Variants in TMEM245 observed in about 807,000 individuals in gnomAD.
TMEM245 encodes protein CG-2.
In TMEM245, 69 loss-of-function variants were observed where a neutral mutation model predicts 101.2. The observed-to-expected ratio is 0.68, with a 90% CI of 0.56 to 0.83. The LOEUF is 0.83. TMEM245 is among the 40% of genes least tolerant of loss of function. The pLI, the probability that TMEM245 is intolerant of heterozygous loss-of-function variation, is 0.00. For synonymous variants in TMEM245, 537 were observed against 449.8 expected (o/e 1.19, Z -2.45); for missense variants, 1,075 against 1,092.8 (o/e 0.98, Z 0.23).
chr9:109,109,946 G>C (rs576394951), intron 1 of TMEM245, among the ~76,000 whole-genome samples: 1 of 152,198 alleles, frequency 6.6e-6, no homozygotes, highest in South Asian at 2.1e-4. Context: ...GCTGTATTTG[G>C]GTGGTAAAAT....
intron 11 of TMEM245, among the ~76,000 whole-genome samples, chr9:109,058,513 C>T (rs1041479824): frequency 2.8e-4 from 43 of 152,252 alleles, no homozygotes; most frequent in African/African-American, 9.6e-4. Flanking sequence ...GAGAGGATCA[C>T]TTGAGCCTAG....
intron 17 of TMEM245, among the ~76,000 whole-genome samples, chr9:109,027,759 C>A (rs1030564730): frequency 2.0e-5 from 3 of 152,072 alleles, no homozygotes; most frequent in Admixed American, 2.0e-4. Context: ...AATCTCTGCT[C>A]ACTGCAACGT....
chr9:109,108,604 A>G, intron 1 of TMEM245, 34 bp from the exon 2 acceptor site: 1 of 1,461,436 alleles, frequency 6.8e-7, no homozygotes, highest in Non-Finnish European at 9.5e-7. Flanking sequence ...TGTAAAATCT[A>G]TACACGTGAA....
intron 1 of TMEM245, among the ~76,000 whole-genome samples, chr9:109,115,435 T>C (rs1372736423): frequency 7.0e-6 from 1 of 143,258 alleles, no homozygotes; most frequent in African/African-American, 2.6e-5. Flanking sequence ...GATATAAAAA[T>C]AAAAGGGAAG....
chr9:109,068,193 C>A (rs1475602705), intron 9 of TMEM245, among the ~76,000 whole-genome samples: 1 of 151,874 alleles, frequency 6.6e-6, no homozygotes, highest in East Asian at 1.9e-4. Flanking sequence ...CGGTGAAACC[C>A]TATCTCTACT....
At position 109,119,886 on chromosome 9, in the gene TMEM245, C is replaced by T. The variant is rs756291784; in HGVS notation, c.28G>A (p.Ala10Thr). 13 of 1,299,958 alleles carry T rather than the reference C, an allele frequency of 1.0e-5. No homozygotes were observed. The South Asian group carries it at 2.1e-4, about 21-fold the overall frequency. 80.5% of individuals were successfully genotyped at this position (1,299,958 alleles called of 1,614,324 possible). Residue 10 changes from alanine (A) to threonine (T), a missense_variant, in exon 1 of 18, where the codon GCG becomes ACG. Physicochemically the swap from Ala to Thr is moderately conservative, Grantham distance 58. Around this residue, in one of 2 missense-constraint regions of TMEM245, gnomAD observed 808 missense variants for 741.5 expected, o/e 1.09. Transcript: ENST00000374586. MADGGGPKD[A>T]PSLRSSPGPA... Reference sequence around the variant, plus strand: ...CCGGGAGAGCTCCGCAGGCTTGGCGCGTCCTTAGGGCCGCCGCCGTCGGCC... The same window carrying T: ...CCGGGAGAGCTCCGCAGGCTTGGCGTGTCCTTAGGGCCGCCGCCGTCGGCC...
At chr9:109,091,944 G>A (rs1157354808) in intron 4 of TMEM245, among the ~76,000 whole-genome samples, 2 of 152,090 alleles carry the variant, frequency 1.3e-5, no homozygotes, top group African/African-American at 4.8e-5. Context: ...AGAAAAAAAT[G>A]TTAATTACAA....
At chr9:109,096,432 G>A (rs943043562) in intron 3 of TMEM245, among the ~76,000 whole-genome samples, 10 of 152,182 alleles carry the variant, frequency 6.6e-5, no homozygotes, top group South Asian at 2.1e-4. Context: ...AGCCGAGATC[G>A]TATTATTGAG....
At chr9:109,039,032 T>C (rs142540382) in intron 14 of TMEM245, 5 of 152,284 alleles carry the variant, frequency 3.3e-5, no homozygotes, top group African/African-American at 1.2e-4. Context: ...GAAGAAAAGC[T>C]GTAGTTGAAA....
At chr9:109,112,743 G>A (rs553344351) in intron 1 of TMEM245, among the ~76,000 whole-genome samples, 1 of 152,240 alleles carries the variant, frequency 6.6e-6, no homozygotes, top group South Asian at 2.1e-4. Context: ...ACATCAAGCA[G>A]TTAATAGTAA....
intron 17 of TMEM245, among the ~76,000 whole-genome samples, chr9:109,029,938 G>A (rs1827899300): frequency 6.6e-6 from 1 of 152,180 alleles, no homozygotes; most frequent in African/African-American, 2.4e-5. Flanking sequence ...ATTAATTCAA[G>A]AGAAAGCAAA....
At position 109,093,726 on chromosome 9, in the gene TMEM245, C is replaced by G. The variant is rs928481449; in HGVS notation, c.800-135G>C. 9.5e-6 allele frequency: 7 copies of G among 735,130 alleles called. No homozygotes were observed. In the African/African-American group the frequency reaches 1.3e-4, roughly 13 times the overall value. The allele number at this position is 735,130 out of a possible 1,614,324, so 45.5% of individuals were successfully genotyped here. On this transcript the variant is annotated intron_variant, in intron 3 of 17. Coordinates refer to ENST00000374586, the MANE Select transcript of TMEM245 (RefSeq NM_032012.4). ...GACCCACTGAATAAGTGGTTCTTCA[C>G]CAAGGAAGAACCATTAAGAATTGAC...
At chr9:109,050,467 T>C in intron 13 of TMEM245, 39 bp from the exon 14 acceptor site, 1 of 1,612,570 alleles carries the variant, frequency 6.2e-7, no homozygotes. Context: ...AAAAATCGTA[T>C]TTGGAAACTA....
chr9:109,039,472 A>G (rs571484150), intron 14 of TMEM245: 1 of 152,384 alleles, frequency 6.6e-6, no homozygotes, highest in Non-Finnish European at 1.5e-5. Flanking sequence ...GGAGAAGGCC[A>G]GAATGGAAGA....
chr9:109,065,260 A>G (rs1288728059), intron 9 of TMEM245, among the ~76,000 whole-genome samples: 3 of 152,232 alleles, frequency 2.0e-5, no homozygotes, highest in Non-Finnish European at 1.5e-5. Flanking sequence ...AGTGTGGTCC[A>G]CAAACCAGCA....
At chr9:109,045,649 T>C (rs193016723) in intron 14 of TMEM245, among the ~76,000 whole-genome samples, 177 of 152,330 alleles carry the variant, frequency 1.2e-3, no homozygotes, top group African/African-American at 4.1e-3. Context: ...GTTCCATTAT[T>C]AGCCCACTAA....
chr9:109,106,254 T>A (rs1372896482), intron 3 of TMEM245, among the ~76,000 whole-genome samples: 1 of 151,562 alleles, frequency 6.6e-6, no homozygotes, highest in East Asian at 1.9e-4. Context: ...TTTTATTTTA[T>A]AAAAATAAAA....
intron 8 of TMEM245, among the ~76,000 whole-genome samples, chr9:109,076,457 C>G (rs1217743239): frequency 6.6e-6 from 1 of 151,854 alleles, no homozygotes; most frequent in African/African-American, 2.4e-5. Context: ...GTGCAGCACA[C>G]CAACATGGCA....
At chr9:109,047,179 T>TA (rs200575226) in intron 14 of TMEM245, among the ~76,000 whole-genome samples, 2,999 of 152,304 alleles carry the variant, frequency 0.02, 25 homozygotes, top group Middle Eastern at 0.031. Context: ...CAAAGGTTGT[T>TA]AAAATTTTTT....
Sources: gnomAD v4.1 joint callset for allele counts (sites outside exome capture counted in the v4.1 genomes callset) on GRCh38, gnomAD v4.1.1 for gene constraint, gnomAD v4.1.1 regional missense constraint, MANE v1.5 for transcripts, NCBI Gene and HGNC (gene_info 2026-07-23, HGNC 2026-07-21) for gene names.